Variants in BTC observed in about 807,000 individuals in gnomAD.
The protein encoded by BTC is betacellulin.
BTC carries 13 observed loss-of-function variants against 18.1 expected under a neutral mutation model. The observed-to-expected ratio is 0.72, with a 90% confidence interval of 0.47 to 1.14. The LOEUF is 1.14. Ranked by LOEUF, BTC falls within the 50% of genes most tolerant of loss-of-function variation. BTC has a pLI of 0.00. For missense variants in BTC, 247 were observed against 224.2 expected (o/e 1.10, Z -0.65); for synonymous variants, 83 against 79.4 (o/e 1.05, Z -0.24).
chr4:74,773,758 C>T (rs964394183), intron 1 of BTC, among the ~76,000 whole-genome samples: 1 of 151,988 alleles, frequency 6.6e-6, no homozygotes, highest in Non-Finnish European at 1.5e-5. Context: ...ATTATAGGTG[C>T]CTGCCACCAT....
chr4:74,786,767 C>T (rs575417235), intron 1 of BTC, among the ~76,000 whole-genome samples: 1 of 151,970 alleles, frequency 6.6e-6, no homozygotes, highest in East Asian at 1.9e-4. Context: ...TAAAATCTGC[C>T]CTGAACCAAA....
intron 1 of BTC, among the ~76,000 whole-genome samples, chr4:74,783,809 T>C (rs1725403201): frequency 6.6e-6 from 1 of 152,086 alleles, no homozygotes; most frequent in Non-Finnish European, 1.5e-5. Context: ...TGGTTTGCAG[T>C]TCTCCCTGAA....
chr4:74,760,955 T>C (rs1351032281), intron 2 of BTC, among the ~76,000 whole-genome samples: 1 of 152,004 alleles, frequency 6.6e-6, no homozygotes, highest in Non-Finnish European at 1.5e-5. Context: ...AGGATGGTCT[T>C]GATCTCCTGA....
chr4:74,782,395 G>T (rs1186499599), intron 1 of BTC, among the ~76,000 whole-genome samples: 2 of 152,058 alleles, frequency 1.3e-5, no homozygotes, highest in Non-Finnish European at 2.9e-5. Context: ...GAAGATAATG[G>T]CTTCCAACTT....
Position 74,756,307 on chromosome 4 carries a change from C to T in BTC, c.164-331G>A, listed in dbSNP as rs537653881. On this transcript the variant is annotated intron_variant, in intron 2 of 5. Coordinates refer to ENST00000395743, the MANE Select transcript of BTC (RefSeq NM_001729.4). ...TTCCATGAAAGTTATCAGAGCCACA[C>T]TAGAGAAGAGAGGTTTTTTGTTTGG... Among the ~76,000 whole-genome samples, 3 of 152,242 alleles carry T rather than the reference C, an allele frequency of 2.0e-5. No individual in the cohort carries two copies. The East Asian group carries it at 5.8e-4, about 29-fold the overall frequency.
chr4:74,769,367 C>A (rs1309179037), intron 2 of BTC, among the ~76,000 whole-genome samples: 2 of 152,148 alleles, frequency 1.3e-5, no homozygotes, highest in African/African-American at 2.4e-5. Context: ...AGATCTGGCC[C>A]ACAGCCTGTT....
chr4:74,794,186 G>T lies in BTC; in HGVS notation c.64+76C>A, dbSNP rs185950914. 1.0e-5 allele frequency: 16 copies of T among 1,531,380 alleles called. No individual in the cohort carries two copies. The East Asian group carries it at 3.9e-4, about 38-fold the overall frequency. The allele number at this position is 1,531,380 out of a possible 1,614,324, so 94.9% of individuals were successfully genotyped here. Reference sequence around the variant, plus strand: ...GCCCTCTTGTCCAGATGCCAGCTCGGTTCAGGGTTCGCCCTCCCCGCGACT... The same window carrying T: ...GCCCTCTTGTCCAGATGCCAGCTCGTTTCAGGGTTCGCCCTCCCCGCGACT... On this transcript the variant is annotated intron_variant, in intron 1 of 5. Transcript: ENST00000395743.
intron 5 of BTC, among the ~76,000 whole-genome samples, chr4:74,747,397 T>C (rs1014229822): frequency 1.3e-5 from 2 of 152,158 alleles, no homozygotes; most frequent in African/African-American, 4.8e-5. Context: ...TCCTTGTTTA[T>C]ATCTGACAGT....
chr4:74,767,182 C>CACAA (rs771744650), intron 2 of BTC, among the ~76,000 whole-genome samples: 1 of 146,588 alleles, frequency 6.8e-6, no homozygotes, highest in African/African-American at 2.5e-5. Flanking sequence ...CTAAAGACTA[C>CACAA]ACACACACAC....
At chr4:74,764,988 A>C (rs1391902264) in intron 2 of BTC, among the ~76,000 whole-genome samples, 1 of 114,538 alleles carries the variant, frequency 8.7e-6, no homozygotes, top group Non-Finnish European at 1.7e-5. Flanking sequence ...TTATAAAATC[A>C]TCAGGACTCG....
In BTC at chr4:74,750,669, T is replaced by C; in HGVS notation, c.332A>G (p.Tyr111Cys). Residue 111 changes from tyrosine (Y) to cysteine (C), a missense_variant, in exon 4 of 6, where the codon TAC (tyrosine) becomes TGC (cysteine). Transcript: ENST00000395743. ...GARCERVDLF[Y>C]LRGDRGQILV... The stretch of plus-strand genomic sequence containing the variant: ...AATCTGTCCTCTGTCTCCTCTTAGG[T>C]AAAACAAGTCAACTCTCTCACACCT... The C allele has an allele frequency of 6.2e-7, 1 of 1,613,942 alleles. No homozygotes were observed. Among genetic ancestry groups the C allele is most frequent in the Non-Finnish European group, 8.5e-7 (1 of 1,179,936 alleles).
chr4:74,762,977 G>A (rs1405755696), intron 2 of BTC, among the ~76,000 whole-genome samples: 1 of 152,050 alleles, frequency 6.6e-6, no homozygotes, highest in Non-Finnish European at 1.5e-5. Flanking sequence ...TTTTCTAATA[G>A]GCTACTAGGA....
In BTC at chr4:74,748,112, CTTCT is replaced by C. The variant is rs1213809316; in HGVS notation, c.462_465del (p.Glu155LysfsTer10). ...TCTTTACCCAGAGTTTCCATTTCTT[CTTCT>C]TTCTTCTTTCTTTTACGACGTTTCC... On this transcript the variant is annotated frameshift_variant, in exon 5 of 6. Transcript: ENST00000395743. LOFTEE classifies it high-confidence loss of function. 27 of 1,609,672 alleles carry C rather than the reference CTTCT, an allele frequency of 1.7e-5. No homozygotes were observed. The highest frequency in any genetic ancestry group is 2.3e-5 in the Non-Finnish European group (27 of 1,178,872).
chr4:74,764,929 A>G (rs1724856872), intron 2 of BTC, among the ~76,000 whole-genome samples: 1 of 151,976 alleles, frequency 6.6e-6, no homozygotes, highest in Non-Finnish European at 1.5e-5. Flanking sequence ...GAGCAAAGTC[A>G]TGTCTTACAT....
chr4:74,757,726 G>A (rs1187961766), intron 2 of BTC, among the ~76,000 whole-genome samples: 1 of 152,180 alleles, frequency 6.6e-6, no homozygotes, highest in Admixed American at 6.5e-5. Flanking sequence ...AATAGTTTTA[G>A]TACACTGGAA....
At chr4:74,752,549 C>A (rs944506999) in intron 3 of BTC, among the ~76,000 whole-genome samples, 1 of 151,756 alleles carries the variant, frequency 6.6e-6, no homozygotes, top group Admixed American at 6.6e-5. Flanking sequence ...CCAGCTAATT[C>A]TTATATTTTT....
At chr4:74,777,171 T>C (rs1226720728) in intron 1 of BTC, among the ~76,000 whole-genome samples, 1 of 152,204 alleles carries the variant, frequency 6.6e-6, no homozygotes, top group Middle Eastern at 3.2e-3. Context: ...ACGAGATTTA[T>C]AATTAAGATT....
intron 3 of BTC, among the ~76,000 whole-genome samples, chr4:74,751,022 G>C (rs548270174): frequency 6.6e-6 from 1 of 152,206 alleles, no homozygotes; most frequent in Admixed American, 6.5e-5. Flanking sequence ...AGGAAAGGAG[G>C]ATAAAATTCC....
intron 1 of BTC, among the ~76,000 whole-genome samples, chr4:74,784,379 A>G (rs1725421777): frequency 6.6e-6 from 1 of 152,162 alleles, no homozygotes; most frequent in Admixed American, 6.5e-5. Context: ...TCATCTGCAA[A>G]CAAAGATAAT....
Sources: gnomAD v4.1 joint callset for allele counts (sites outside exome capture counted in the v4.1 genomes callset) on GRCh38, gnomAD v4.1.1 for gene constraint, MANE v1.5 for transcripts, NCBI Gene and HGNC (gene_info 2026-07-23, HGNC 2026-07-21) for gene names.